RIMS2: variants seen among roughly 807,000 people sequenced by gnomAD.
The protein encoded by RIMS2 is regulating synaptic membrane exocytosis 2.
Under a neutral mutation model 174.4 loss-of-function variants are expected in RIMS2, and 59 were observed. The observed-to-expected ratio is 0.34, with a 90% CI of 0.27 to 0.42. The LOEUF (loss-of-function observed/expected upper bound fraction) is 0.42. Among genes scored for constraint, RIMS2 ranks in the 10% least tolerant of loss-of-function variants. RIMS2 has a pLI of 1.00. For synonymous variants in RIMS2, 606 were observed against 572.5 expected (o/e 1.06, Z -0.84); for missense variants, 1,620 against 1,666.3 (o/e 0.97, Z 0.48).
intron 19 of RIMS2, among the ~76,000 whole-genome samples, chr8:104,107,561 G>A (rs924522095): frequency 2.0e-5 from 3 of 152,168 alleles, no homozygotes; most frequent in Admixed American, 2.0e-4. Context: ...CATGTGAAGA[G>A]CTCCAAAGGA....
intron 3 of RIMS2, among the ~76,000 whole-genome samples, chr8:103,778,814 T>G (rs2098349141): frequency 6.6e-6 from 1 of 152,160 alleles, no homozygotes; most frequent in South Asian, 2.1e-4. Context: ...TTTAGTTTTT[T>G]GAGGAACCGC....
chr8:104,178,397 A>T (rs2098918562), intron 19 of RIMS2, among the ~76,000 whole-genome samples: 2 of 152,128 alleles, frequency 1.3e-5, no homozygotes, highest in Admixed American at 1.3e-4. Flanking sequence ...ATGGTGAGTC[A>T]AGTCCCTCTT....
chr8:104,078,593 T>C (rs1205519541), intron 19 of RIMS2, among the ~76,000 whole-genome samples: 2 of 152,202 alleles, frequency 1.3e-5, no homozygotes, highest in Non-Finnish European at 1.5e-5. Flanking sequence ...CATTCTGAGG[T>C]ACTGAAGACT....
chr8:104,248,127 A>T (rs1030895327), intron 20 of RIMS2, among the ~76,000 whole-genome samples: 5 of 152,174 alleles, frequency 3.3e-5, no homozygotes, highest in African/African-American at 1.2e-4. Flanking sequence ...CAATGAAAAC[A>T]TGATTAGACT....
chr8:103,827,868 A>G (rs1212161975), intron 3 of RIMS2, among the ~76,000 whole-genome samples: 1 of 151,940 alleles, frequency 6.6e-6, no homozygotes, highest in Non-Finnish European at 1.5e-5. Flanking sequence ...GTGCAACGGT[A>G]GATAACTAAC....
intron 19 of RIMS2, among the ~76,000 whole-genome samples, chr8:104,104,423 A>C (rs2097988620): frequency 6.6e-6 from 1 of 152,148 alleles, no homozygotes; most frequent in Non-Finnish European, 1.5e-5. Flanking sequence ...GTTTTGATGG[A>C]TGGGGTTGTT....
At chr8:104,148,541 A>G in intron 19 of RIMS2, 66 bp from the exon 25 acceptor site, 4 of 1,404,526 alleles carry the variant, frequency 2.8e-6, no homozygotes, top group Non-Finnish European at 3.8e-6. Flanking sequence ...TGTTTTATCT[A>G]AAATGCATTT....
intron 19 of RIMS2, among the ~76,000 whole-genome samples, chr8:104,121,757 T>A (rs2098378231): frequency 6.6e-6 from 1 of 151,410 alleles, no homozygotes; most frequent in Non-Finnish European, 1.5e-5. Flanking sequence ...AGGTCAGGAG[T>A]TTGAGACCAG....
At chr8:104,007,619 C>T (rs1172957902) in intron 17 of RIMS2, among the ~76,000 whole-genome samples, 1 of 152,144 alleles carries the variant, frequency 6.6e-6, no homozygotes. Context: ...AGACTTATTT[C>T]AAATTCCCCA....
At chr8:104,001,669 G>T (rs886806392) in intron 17 of RIMS2, among the ~76,000 whole-genome samples, 4 of 151,762 alleles carry the variant, frequency 2.6e-5, no homozygotes, top group African/African-American at 9.7e-5. Flanking sequence ...AACTTTCTAA[G>T]TTTCTCTTCC....
intron 19 of RIMS2, among the ~76,000 whole-genome samples, chr8:104,065,355 C>T (rs371264995): frequency 2.0e-5 from 3 of 151,886 alleles, no homozygotes; most frequent in East Asian, 3.9e-4. Context: ...ATTGATTTCT[C>T]TAAATTGCTT....
At chr8:103,501,170 C>G (rs1163845131) in intron 1 of RIMS2, 108 bp downstream of exon 1, 1 of 809,382 alleles carries the variant, frequency 1.2e-6, no homozygotes, top group Non-Finnish European at 1.7e-6. Context: ...CTCCCGCTGG[C>G]GGCGCCCAGG....
At chr8:103,787,387 C>CATTAA (rs1385065614) in intron 3 of RIMS2, among the ~76,000 whole-genome samples, 1 of 151,354 alleles carries the variant, frequency 6.6e-6, no homozygotes, top group Non-Finnish European at 1.5e-5. Context: ...TACATTTTGG[C>CATTAA]ATGATTTTGC....
chr8:104,068,915 T>G (rs2154561366), intron 19 of RIMS2, among the ~76,000 whole-genome samples: 1 of 152,262 alleles, frequency 6.6e-6, no homozygotes, highest in Non-Finnish European at 1.5e-5. Context: ...GATCTTATGG[T>G]TTTCTTTCAT....
intron 1 of RIMS2, among the ~76,000 whole-genome samples, chr8:103,641,328 G>A (rs2096225047): frequency 6.6e-6 from 1 of 152,082 alleles, no homozygotes; most frequent in Non-Finnish European, 1.5e-5. Flanking sequence ...TTAAATCAGT[G>A]TCATTGGGAT....
chr8:103,937,306 T>C (rs2081493417), intron 13 of RIMS2, among the ~76,000 whole-genome samples: 1 of 152,196 alleles, frequency 6.6e-6, no homozygotes, highest in Non-Finnish European at 1.5e-5. Flanking sequence ...TGTTGAATGA[T>C]AAAAGGTTTG....
At chr8:103,729,178 AAT>A (rs2097561982) in intron 2 of RIMS2, among the ~76,000 whole-genome samples, 1 of 152,042 alleles carries the variant, frequency 6.6e-6, no homozygotes, top group African/African-American at 2.4e-5. Context: ...TATTTGGTAA[AAT>A]TCAGCAATGA....
intron 1 of RIMS2, among the ~76,000 whole-genome samples, chr8:103,508,853 A>G (rs947662056): frequency 3.9e-5 from 6 of 152,084 alleles, no homozygotes; most frequent in Non-Finnish European, 5.9e-5. Context: ...TGAGGAGCCA[A>G]AATTGCCAGG....
chr8:103,876,420 A>T (rs1362215584), intron 3 of RIMS2, among the ~76,000 whole-genome samples: 1 of 151,650 alleles, frequency 6.6e-6, no homozygotes, highest in Non-Finnish European at 1.5e-5. Flanking sequence ...AAAACACCTT[A>T]TGAAGAAGTA....
Sources: gnomAD v4.1 joint callset for allele counts (sites outside exome capture counted in the v4.1 genomes callset) on GRCh38, gnomAD v4.1.1 for gene constraint, MANE v1.5 for transcripts, NCBI Gene and HGNC (gene_info 2026-07-23, HGNC 2026-07-21) for gene names.